CNTN5: variants seen among roughly 807,000 people sequenced by gnomAD.
CNTN5 encodes the protein contactin 5, also known as contactin-5.
Under a neutral mutation model 129.1 loss-of-function variants are expected in CNTN5, and 77 were observed. That is an observed-to-expected ratio of 0.60 (90% CI 0.50 to 0.72). CNTN5 has a LOEUF of 0.72. CNTN5 is among the 30% of genes least tolerant of loss of function. The pLI is 0.00. For missense variants in CNTN5, 1,478 were observed against 1,328.8 expected (o/e 1.11, Z -1.75); for synonymous variants, 509 against 465.6 (o/e 1.09, Z -1.20).
At position 99,841,822 on chromosome 11, in the gene CNTN5, G is replaced by GTGTA. The variant is rs772082551; in HGVS notation, c.278-3028_278-3025dup. Reference sequence around the variant, plus strand: ...ATATGTGGTGTGTGTGTATATATGTGTGTATATATATATACACACACACAC... The same window carrying GTGTA: ...ATATGTGGTGTGTGTGTATATATGTGTGTATGTATATATATATACACACACACAC... On this transcript the variant is annotated intron_variant, in intron 4 of 24. Transcript: ENST00000524871. 7.9e-3 allele frequency among the ~76,000 whole-genome samples: 1,112 copies of GTGTA among 141,602 alleles called. 5 individuals are homozygous for GTGTA. The highest frequency in any genetic ancestry group is 0.012 in the Non-Finnish European group (800 of 65,542). 92.9% of individuals were successfully genotyped at this position (141,602 alleles called of 152,430 possible). A position where few individuals can be genotyped will look rare whatever the true frequency, so the allele number is the denominator to read the frequency against.
chr11:99,954,559 A>G (rs1366927321), intron 7 of CNTN5, among the ~76,000 whole-genome samples: 2 of 152,188 alleles, frequency 1.3e-5, no homozygotes, highest in African/African-American at 2.4e-5. Flanking sequence ...TAACCATACT[A>G]TTTCCCTGAA....
chr11:99,155,192 A>G (rs1327086385), intron 1 of CNTN5, among the ~76,000 whole-genome samples: 5 of 152,008 alleles, frequency 3.3e-5, no homozygotes, highest in African/African-American at 4.8e-5. Context: ...ATACCCAGCT[A>G]TTTCCCCCTT....
intron 3 of CNTN5, among the ~76,000 whole-genome samples, chr11:99,638,426 G>A (rs537952162): frequency 4.3e-4 from 65 of 152,170 alleles, no homozygotes; most frequent in African/African-American, 1.4e-3. Context: ...TTCAAAACCA[G>A]TCATGCCTTC....
chr11:99,228,055 G>T (rs1253500186), intron 1 of CNTN5, among the ~76,000 whole-genome samples: 1 of 151,784 alleles, frequency 6.6e-6, no homozygotes, highest in African/African-American at 2.4e-5. Context: ...CCAGTTGTTG[G>T]ATATTTTCAC....
intron 17 of CNTN5, among the ~76,000 whole-genome samples, chr11:100,257,491 G>T (rs1950098736): frequency 6.6e-6 from 1 of 152,126 alleles, no homozygotes; most frequent in African/African-American, 2.4e-5. Flanking sequence ...CTCCTGACTG[G>T]GACACAACTC....
chr11:100,207,401 C>T (rs191106302), intron 15 of CNTN5, among the ~76,000 whole-genome samples: 3 of 152,066 alleles, frequency 2.0e-5, no homozygotes, highest in East Asian at 3.9e-4. Flanking sequence ...TCTTTATATA[C>T]CTTACACATT....
Position 99,376,077 on chromosome 11 carries a change from G to A in CNTN5, c.-71+50593G>A, listed in dbSNP as rs138781108. Among the ~76,000 whole-genome samples, 1,299 of 152,226 alleles carry A rather than the reference G, an allele frequency of 8.5e-3. 7 individuals carry two copies. The highest frequency in any genetic ancestry group is 0.013 in the Non-Finnish European group (908 of 68,012). ...AACTTGCGGATGATGCAAGGAAAAA[G>A]AGATAGTTTCAGCGAGGTAGGATGA... On this transcript the variant is annotated intron_variant, in intron 2 of 24. Transcript: ENST00000524871.
chr11:99,097,222 AC>A (rs1555042190), intron 1 of CNTN5, among the ~76,000 whole-genome samples: 1 of 151,954 alleles, frequency 6.6e-6, no homozygotes, highest in Non-Finnish European at 1.5e-5. Flanking sequence ...ATACAGTCCA[AC>A]AATTTTTTTA....
intron 8 of CNTN5, among the ~76,000 whole-genome samples, chr11:99,964,299 G>T (rs1951032305): frequency 6.6e-6 from 1 of 152,134 alleles, no homozygotes; most frequent in Non-Finnish European, 1.5e-5. Context: ...CTGTGGGTTT[G>T]TCATAGATAG....
chr11:99,594,479 T>A (rs1022283044), intron 3 of CNTN5, among the ~76,000 whole-genome samples: 2 of 152,178 alleles, frequency 1.3e-5, no homozygotes, highest in African/African-American at 4.8e-5. Context: ...ATGCAGTTGT[T>A]CTTCACCTGT....
chr11:100,229,145 C>A (rs986889787), intron 16 of CNTN5, among the ~76,000 whole-genome samples: 6 of 152,178 alleles, frequency 3.9e-5, no homozygotes, highest in Middle Eastern at 3.4e-3. Context: ...AAGGTTTTTT[C>A]ATCTATAAAA....
chr11:99,843,286 A>G (rs539285218), intron 4 of CNTN5, among the ~76,000 whole-genome samples: 2 of 152,322 alleles, frequency 1.3e-5, no homozygotes, highest in African/African-American at 4.8e-5. Flanking sequence ...TCGTCAGTAC[A>G]TGCTCATAGT....
At chr11:100,349,968 C>G (rs778697821) in intron 23 of CNTN5, among the ~76,000 whole-genome samples, 7 of 151,676 alleles carry the variant, frequency 4.6e-5, no homozygotes, top group Admixed American at 1.3e-4. Context: ...ATCCTGTGTC[C>G]TGATTTGCAG....
chr11:100,256,740 C>A (rs1188980647), intron 17 of CNTN5, among the ~76,000 whole-genome samples: 1 of 152,046 alleles, frequency 6.6e-6, no homozygotes, highest in Non-Finnish European at 1.5e-5. Context: ...CTGTGAGAGA[C>A]TGTGTCATGA....
chr11:100,336,645 A>G (rs370029183), intron 21 of CNTN5, among the ~76,000 whole-genome samples: 89 of 152,336 alleles, frequency 5.8e-4, no homozygotes, highest in African/African-American at 2.0e-3. Context: ...GTTGAAATCT[A>G]CATCTGAGGA....
In CNTN5 at chr11:99,922,344, G is replaced by A. The variant is rs114318021; in HGVS notation, c.673+6195G>A. On this transcript the variant is annotated intron_variant, in intron 7 of 24. Transcript: ENST00000524871. ...CACGTAGGGATTATGAAAGCTACAAGTCAAGATGAGATTTGAGTGGGGACA... is the reference window on the plus strand; with the variant it reads ...CACGTAGGGATTATGAAAGCTACAAATCAAGATGAGATTTGAGTGGGGACA... Among the ~76,000 whole-genome samples, 422 of 152,280 alleles carry A rather than the reference G, an allele frequency of 2.8e-3. 2 individuals carry two copies. The highest frequency in any genetic ancestry group is 9.5e-3 in the African/African-American group (394 of 41,556).
At chr11:99,443,999 A>G (rs986395583) in intron 2 of CNTN5, among the ~76,000 whole-genome samples, 5 of 152,098 alleles carry the variant, frequency 3.3e-5, no homozygotes, top group Non-Finnish European at 7.4e-5. Flanking sequence ...GGACTTCGAG[A>G]CCAGCCTGGC....
At position 99,452,974 on chromosome 11, in the gene CNTN5, G is replaced by A. The variant is rs1001271567; in HGVS notation, c.-70-103171G>A. On this transcript the variant is annotated intron_variant, in intron 2 of 24. Coordinates refer to ENST00000524871, the MANE Select transcript of CNTN5 (RefSeq NM_014361.4). ...ACAAAAATAAGAAATATCATATAAC[G>A]TTGCCAATGTAAAAAAGCTAAGAAG... 1.5e-4 allele frequency among the ~76,000 whole-genome samples: 23 copies of A among 152,134 alleles called. 1 individual carries two copies. The highest frequency in any genetic ancestry group is 4.6e-4 in the Admixed American group (7 of 15,280).
At chr11:99,683,381 C>G (rs576516421) in intron 3 of CNTN5, among the ~76,000 whole-genome samples, 1 of 151,902 alleles carries the variant, frequency 6.6e-6, no homozygotes, top group Non-Finnish European at 1.5e-5. Flanking sequence ...AGTACTATTT[C>G]TTGAAAAGAT....
Sources: allele counts gnomAD v4.1 joint callset (sites outside exome capture counted in the v4.1 genomes callset), GRCh38; gene constraint gnomAD v4.1.1; transcripts MANE v1.5; gene names NCBI Gene and HGNC (gene_info 2026-07-23, HGNC 2026-07-21).